Variants in LRBA observed in about 807,000 individuals in gnomAD.
LRBA encodes the protein lipopolysaccharide-responsive and beige-like anchor protein.
Under a neutral mutation model 330.0 loss-of-function variants are expected in LRBA, and 176 were observed. The ratio of observed to expected loss-of-function variants is 0.53; its 90% CI spans 0.47 to 0.60. LRBA has a LOEUF of 0.60. Among genes scored for constraint, LRBA ranks in the 20% least tolerant of loss-of-function variants. LRBA has a pLI of 0.00. For missense variants in LRBA, 3,259 were observed against 3,444.8 expected, an observed-to-expected ratio of 0.95 and a Z score of 1.35; for synonymous variants, 1,230 against 1,193.0, an observed-to-expected ratio of 1.03 and a Z score of -0.64.
At chr4:150,520,214 C>T (rs917611562) in intron 40 of LRBA, among the ~76,000 whole-genome samples, 2 of 152,112 alleles carry the variant, frequency 1.3e-5, no homozygotes, top group African/African-American at 2.4e-5. Context: ...CTTGAAAAGA[C>T]ATCTTTTGCA....
At chr4:150,501,604 C>CA (rs372362348) in intron 40 of LRBA, among the ~76,000 whole-genome samples, 398 of 140,382 alleles carry the variant, frequency 2.8e-3, no homozygotes, top group African/African-American at 5.5e-3. Context: ...GACCCCATCT[C>CA]AAAAAAAAAA....
At chr4:150,698,170 T>A (rs1318942189) in intron 36 of LRBA, among the ~76,000 whole-genome samples, 1 of 152,146 alleles carries the variant, frequency 6.6e-6, no homozygotes, top group African/African-American at 2.4e-5. Flanking sequence ...TAAGTGCACA[T>A]GAGAAAAGTC....
At chr4:150,365,009 T>A (rs542947489) in intron 47 of LRBA, among the ~76,000 whole-genome samples, 340 of 151,564 alleles carry the variant, frequency 2.2e-3, no homozygotes, top group African/African-American at 5.7e-3. Context: ...TGTGTGTGTG[T>A]GAGAGAGAGA....
rs1380347416 is a variant in LRBA, at chr4:150,664,259, G to A, written c.5921+19292C>T. On this transcript the variant is annotated intron_variant, in intron 37 of 56. Coordinates refer to ENST00000651943, the MANE Select transcript of LRBA (RefSeq NM_001364905.1). The stretch of plus-strand genomic sequence containing the variant: ...ATGAATCTAGGTTGTAATCATAACC[G>A]ATTGTTATAATGGGGTATAGATATA... Among the ~76,000 whole-genome samples the A allele has an allele frequency of 3.3e-5, 5 of 152,156 alleles. No individual in the cohort carries two copies. The East Asian group carries it at 5.8e-4, about 18-fold the overall frequency.
chr4:150,642,048 T>C (rs1363675651), intron 37 of LRBA, among the ~76,000 whole-genome samples: 2 of 152,060 alleles, frequency 1.3e-5, no homozygotes, highest in African/African-American at 4.8e-5. Flanking sequence ...CTTATACTAA[T>C]ACAATTAATA....
intron 47 of LRBA, among the ~76,000 whole-genome samples, chr4:150,377,065 C>T (rs559330383): frequency 4.8e-4 from 72 of 149,706 alleles, no homozygotes; most frequent in African/African-American, 1.4e-3. Context: ...AGGCCAAGGT[C>T]GGGGATAACC....
At chr4:150,975,340 G>A (rs977163052) in intron 2 of LRBA, among the ~76,000 whole-genome samples, 1 of 152,006 alleles carries the variant, frequency 6.6e-6, no homozygotes, top group Non-Finnish European at 1.5e-5. Context: ...GACCAGCCTG[G>A]CCAACGTGGT....
chr4:150,968,330 T>C (rs1360222022), intron 2 of LRBA, among the ~76,000 whole-genome samples: 1 of 152,140 alleles, frequency 6.6e-6, no homozygotes, highest in Non-Finnish European at 1.5e-5. Flanking sequence ...AGTAAAAAAC[T>C]AGAAATGATT....
intron 42 of LRBA, among the ~76,000 whole-genome samples, chr4:150,480,591 C>T (rs879836919): frequency 1.1e-4 from 17 of 152,128 alleles, no homozygotes; most frequent in Non-Finnish European, 1.8e-4. Flanking sequence ...TTTAAAACAG[C>T]ATCACATGTA....
chr4:150,991,739 G>A (rs916515337), intron 2 of LRBA, among the ~76,000 whole-genome samples: 1 of 151,232 alleles, frequency 6.6e-6, no homozygotes, highest in African/African-American at 2.4e-5. Flanking sequence ...AAATGTGATG[G>A]TTGTTATATG....
intron 51 of LRBA, 80 bp from the exon 52 acceptor site, chr4:150,310,464 A>G: frequency 1.1e-6 from 1 of 883,810 alleles, no homozygotes; most frequent in South Asian, 1.8e-5. Flanking sequence ...GAGGAGACAC[A>G]TTCCCAGATA....
chr4:150,699,668 TC>T lies in LRBA; in HGVS notation c.5755-15952del, dbSNP rs1341099318. ...ATTAGGTTTATCAAATCCCATTTAT[TC>T]CTGACAACATAGCTACAGGTAAACA... On this transcript the variant is annotated intron_variant, in intron 36 of 56. Coordinates refer to ENST00000651943, the MANE Select transcript of LRBA (RefSeq NM_001364905.1). Among the ~76,000 whole-genome samples the T allele has an allele frequency of 2.6e-5, 4 of 152,218 alleles. No individual in the cohort carries two copies. The South Asian group carries it at 6.2e-4, about 24-fold the overall frequency.
At chr4:150,781,103 T>A (rs1245852410) in intron 34 of LRBA, among the ~76,000 whole-genome samples, 2 of 152,068 alleles carry the variant, frequency 1.3e-5, no homozygotes, top group African/African-American at 4.8e-5. Context: ...ATGGTCTCGA[T>A]CTCCTGACCT....
At chr4:150,659,023 A>G (rs367855104) in intron 37 of LRBA, among the ~76,000 whole-genome samples, 1 of 119,784 alleles carries the variant, frequency 8.3e-6, no homozygotes, top group East Asian at 2.8e-4. Context: ...TCAGTGCTCA[A>G]TGGTGCCCAG....
At chr4:150,870,486 G>A in intron 20 of LRBA, 39 bp downstream of exon 20, 1 of 1,067,014 alleles carries the variant, frequency 9.4e-7, no homozygotes, top group Non-Finnish European at 1.5e-6. Flanking sequence ...TTTTTAAGTA[G>A]CAAAAGGTAG....
chr4:150,621,313 T>A (rs1581836925), intron 37 of LRBA, among the ~76,000 whole-genome samples: 1 of 152,190 alleles, frequency 6.6e-6, no homozygotes, highest in Non-Finnish European at 1.5e-5. Flanking sequence ...AGTTGTATTT[T>A]TAAAAACTGT....
At chr4:150,278,457 C>T (rs1248168185) in intron 55 of LRBA, among the ~76,000 whole-genome samples, 1 of 114,166 alleles carries the variant, frequency 8.8e-6, no homozygotes, top group African/African-American at 2.8e-5. Flanking sequence ...AGCCTCGGCA[C>T]CTTCCCTGAG....
chr4:150,770,864 A>ATATGCTCC (rs1736465377), intron 34 of LRBA, among the ~76,000 whole-genome samples: 1 of 152,114 alleles, frequency 6.6e-6, no homozygotes, highest in East Asian at 1.9e-4. Context: ...CCTCAACTTA[A>ATATGCTCC]TCACACAGTA....
At chr4:150,426,940 T>A (rs1241041288) in intron 46 of LRBA, among the ~76,000 whole-genome samples, 1 of 151,922 alleles carries the variant, frequency 6.6e-6, no homozygotes, top group Non-Finnish European at 1.5e-5. Flanking sequence ...GAAATGGACA[T>A]CTCCATTGGG....
Sources: allele counts gnomAD v4.1 joint callset (sites outside exome capture counted in the v4.1 genomes callset), GRCh38; gene constraint gnomAD v4.1.1; transcripts MANE v1.5; gene names NCBI Gene and HGNC (gene_info 2026-07-23, HGNC 2026-07-21).